Variants in CACNB4 observed in about 807,000 individuals in gnomAD.
The protein encoded by CACNB4 is calcium voltage-gated channel auxiliary subunit beta 4, also known as voltage-dependent L-type calcium channel subunit beta-4.
Under a neutral mutation model 71.2 loss-of-function variants are expected in CACNB4, and 32 were observed. The observed-to-expected ratio is 0.45, with a 90% CI of 0.34 to 0.60. The LOEUF (loss-of-function observed/expected upper bound fraction) is 0.60, where lower values mean the gene tolerates loss of function less well. Ranked by LOEUF, CACNB4 falls within the 20% of genes least tolerant of loss-of-function variation. The pLI, the probability that CACNB4 is intolerant of heterozygous loss-of-function variation, is 0.01. For synonymous variants in CACNB4, 231 were observed against 236.9 expected, an observed-to-expected ratio of 0.97 and a Z score of 0.23; for missense variants, 464 against 647.9, an observed-to-expected ratio of 0.72 and a Z score of 3.08.
chr2:151,916,669 A>T (rs2099857615), intron 2 of CACNB4, among the ~76,000 whole-genome samples: 1 of 152,268 alleles, frequency 6.6e-6, no homozygotes, highest in Non-Finnish European at 1.5e-5. Context: ...GAAACTACGT[A>T]CAATACCTGA....
At chr2:152,099,071 G>A (rs972785476), upstream of CACNB4, 1 of 1,219,594 alleles carries the variant, frequency 8.2e-7, no homozygotes, top group Non-Finnish European at 1.1e-6. Flanking sequence ...TGGCCCCCGA[G>A]GCTGGGCTGC....
intron 2 of CACNB4, among the ~76,000 whole-genome samples, chr2:152,027,078 C>T (rs887236358): frequency 6.6e-6 from 1 of 151,976 alleles, no homozygotes; most frequent in East Asian, 1.9e-4. Flanking sequence ...GGCTAATTTT[C>T]GTATTTTTAG....
At chr2:151,939,382 G>A (rs1578881335) in intron 2 of CACNB4, among the ~76,000 whole-genome samples, 1 of 152,330 alleles carries the variant, frequency 6.6e-6, no homozygotes, top group South Asian at 2.1e-4. Flanking sequence ...ACCTACCATT[G>A]AGAGTCAGGA....
intron 2 of CACNB4, among the ~76,000 whole-genome samples, chr2:152,016,940 C>T (rs1683378354): frequency 6.6e-6 from 1 of 152,134 alleles, no homozygotes; most frequent in Non-Finnish European, 1.5e-5. Context: ...GGAAATGAGG[C>T]AAAGAGAGTT....
chr2:151,909,666 C>A (rs781565524), intron 2 of CACNB4, among the ~76,000 whole-genome samples: 1 of 151,850 alleles, frequency 6.6e-6, no homozygotes, highest in Non-Finnish European at 1.5e-5. Flanking sequence ...TGAGTGCAAA[C>A]GTGGTGTTTG....
chr2:151,977,207 T>C (rs1233942524), intron 2 of CACNB4, among the ~76,000 whole-genome samples: 2 of 152,184 alleles, frequency 1.3e-5, no homozygotes, highest in Non-Finnish European at 1.5e-5. Flanking sequence ...CTGTTAAATG[T>C]GTTTCTGACT....
chr2:151,954,681 T>C (rs1321531335), intron 2 of CACNB4, among the ~76,000 whole-genome samples: 1 of 152,068 alleles, frequency 6.6e-6, no homozygotes, highest in Non-Finnish European at 1.5e-5. Context: ...TAAATTATGA[T>C]CTGAACTTGG....
chr2:152,027,531 T>C (rs759425065), intron 2 of CACNB4, among the ~76,000 whole-genome samples: 30 of 152,196 alleles, frequency 2.0e-4, no homozygotes, highest in Non-Finnish European at 3.5e-4. Flanking sequence ...AGGAAAGCCA[T>C]GTGCTACCTC....
intron 2 of CACNB4, among the ~76,000 whole-genome samples, chr2:152,050,280 G>A (rs762174605): frequency 6.6e-6 from 1 of 152,174 alleles, no homozygotes; most frequent in African/African-American, 2.4e-5. Context: ...GGTCAGAAAT[G>A]TGATCATCTG....
chr2:151,912,211 T>G (rs1232444249), intron 2 of CACNB4, among the ~76,000 whole-genome samples: 1 of 152,072 alleles, frequency 6.6e-6, no homozygotes, highest in Non-Finnish European at 1.5e-5. Context: ...TCTACTAGCT[T>G]TTGGATTAGC....
At chr2:152,088,399 T>TA (rs1179823915) in intron 2 of CACNB4, among the ~76,000 whole-genome samples, 3 of 152,296 alleles carry the variant, frequency 2.0e-5, no homozygotes, top group South Asian at 2.1e-4. Flanking sequence ...ATGAAACTGC[T>TA]AAAAAAATTT....
chr2:152,073,026 T>G (rs1458579124), intron 2 of CACNB4, among the ~76,000 whole-genome samples: 1 of 152,156 alleles, frequency 6.6e-6, no homozygotes, highest in African/African-American at 2.4e-5. Flanking sequence ...AAGCTAGACC[T>G]TGAACTTACG....
intron 9 of CACNB4, chr2:151,868,964 C>G (rs932199793): frequency 8.4e-6 from 3 of 359,136 alleles, no homozygotes; most frequent in African/African-American, 6.3e-5. Flanking sequence ...AAACAAATGG[C>G]TTATTTTTCT....
intron 2 of CACNB4, among the ~76,000 whole-genome samples, chr2:152,071,767 T>C (rs1282747586): frequency 2.0e-5 from 3 of 152,204 alleles, no homozygotes; most frequent in Admixed American, 2.0e-4. Flanking sequence ...CTTATAATAT[T>C]TAGCCTTTTC....
chr2:151,852,965 T>G (rs2099839435), intron 12 of CACNB4: 1 of 152,320 alleles, frequency 6.6e-6, no homozygotes, highest in Non-Finnish European at 1.5e-5. Context: ...TTGCTATAAT[T>G]TCGTTTTTCA....
intron 6 of CACNB4, 21 bp downstream of exon 6, chr2:151,872,394 AAG>A (rs1452010870): frequency 7.1e-7 from 1 of 1,401,798 alleles, no homozygotes; most frequent in East Asian, 2.3e-5. Context: ...GTGTATGAAA[AAG>A]AGTTTAACTA....
At chr2:151,989,982 G>A (rs1681605724) in intron 2 of CACNB4, among the ~76,000 whole-genome samples, 1 of 151,904 alleles carries the variant, frequency 6.6e-6, no homozygotes, top group Non-Finnish European at 1.5e-5. Context: ...CTCTACAGTT[G>A]AGGCTCTCCC....
intron 2 of CACNB4, among the ~76,000 whole-genome samples, chr2:151,899,744 C>T (rs190757760): frequency 1.2e-4 from 18 of 152,248 alleles, no homozygotes; most frequent in Admixed American, 4.6e-4. Flanking sequence ...AACACTAGGT[C>T]ATGTCTGATT....
chr2:151,874,951 C>A, intron 5 of CACNB4: 2 of 399,264 alleles, frequency 5.0e-6, no homozygotes, highest in Non-Finnish European at 8.8e-6. Flanking sequence ...TACCAGGAGA[C>A]AAGAGATGCC....
Sources: gnomAD v4.1 joint callset for allele counts (sites outside exome capture counted in the v4.1 genomes callset) on GRCh38, gnomAD v4.1.1 for gene constraint, MANE v1.5 for transcripts, NCBI Gene and HGNC (gene_info 2026-07-23, HGNC 2026-07-21) for gene names.